VPS13B: variants seen among roughly 807,000 people sequenced by gnomAD.
VPS13B encodes vacuolar protein sorting 13 homolog B, also known as intermembrane lipid transfer protein VPS13B.
VPS13B carries 285 observed loss-of-function variants against 426.4 expected under a neutral mutation model. The ratio of observed to expected loss-of-function variants is 0.67; its 90% CI spans 0.61 to 0.74. The LOEUF is 0.74. Ranked by LOEUF, VPS13B falls within the 30% of genes least tolerant of loss-of-function variation. The pLI is 0.00. For missense variants in VPS13B, 4,537 were observed against 4,782.6 expected (o/e 0.95, Z 1.51); for synonymous variants, 1,676 against 1,676.4 (o/e 1.00, Z 0.01).
rs796946310 is a variant in VPS13B, at chr8:99,858,684, CA to C, written c.10868-608del. Among the ~76,000 whole-genome samples, 729 of 141,464 alleles carry C rather than the reference CA, an allele frequency of 5.2e-3. 7 individuals are homozygous for C. The highest frequency in any genetic ancestry group is 0.016 in the African/African-American group (612 of 38,796). The allele number at this position is 141,464 out of a possible 152,430, so 92.8% of individuals were successfully genotyped here. A position where few individuals can be genotyped will look rare whatever the true frequency, so the allele number is the denominator to read the frequency against. ...TGGGTGACAGAGTGAGACTCGATCT[CA>C]AAAAAAAAAAATGTCCCTGTCTCTG... On this transcript the variant is annotated intron_variant, in intron 56 of 61. Coordinates refer to ENST00000357162, the MANE Select transcript of VPS13B (RefSeq NM_152564.5).
intron 33 of VPS13B, among the ~76,000 whole-genome samples, chr8:99,641,393 A>C (rs931345205): frequency 2.0e-5 from 3 of 152,196 alleles, no homozygotes; most frequent in African/African-American, 7.2e-5. Flanking sequence ...AGCATAAACT[A>C]CTTCTACGTA....
At chr8:99,082,695 T>C (rs1441561170) in intron 3 of VPS13B, among the ~76,000 whole-genome samples, 18 of 152,162 alleles carry the variant, frequency 1.2e-4, no homozygotes, top group African/African-American at 3.1e-4. Context: ...GCCAGTTTTC[T>C]CAGCACCATT....
At chr8:99,297,296 T>C (rs1820093071) in intron 19 of VPS13B, among the ~76,000 whole-genome samples, 1 of 152,172 alleles carries the variant, frequency 6.6e-6, no homozygotes. Flanking sequence ...GAGCTCTGCA[T>C]TGGTTTTTCA....
chr8:99,563,292 G>A (rs1825025905), intron 31 of VPS13B, among the ~76,000 whole-genome samples: 1 of 152,196 alleles, frequency 6.6e-6, no homozygotes, highest in Admixed American at 6.5e-5. Context: ...CCTGTAAGAA[G>A]TTCAGCATCC....
intron 17 of VPS13B, among the ~76,000 whole-genome samples, chr8:99,202,080 G>C (rs1814365335): frequency 6.6e-6 from 1 of 152,206 alleles, no homozygotes; most frequent in African/African-American, 2.4e-5. Context: ...ACCTATGGAA[G>C]TTGTTCTAGG....
intron 8 of VPS13B, among the ~76,000 whole-genome samples, chr8:99,122,136 G>C (rs932032873): frequency 6.6e-6 from 1 of 151,502 alleles, no homozygotes; most frequent in South Asian, 2.1e-4. Flanking sequence ...TAGGATTACA[G>C]GTGTTAGCTA....
At position 99,121,185 on chromosome 8, in the gene VPS13B, G is replaced by T. The variant is rs781089780; in HGVS notation, c.946G>T (p.Asp316Tyr). The change falls in exon 8 of 62, where the codon GAT becomes TAT. Residue 316 changes from aspartate (D) to tyrosine (Y), a missense_variant. By Grantham distance (160) the Asp-to-Tyr change is radical. Coordinates refer to ENST00000357162, the MANE Select transcript of VPS13B (RefSeq NM_152564.5). ...TTAATTTTAATTGATAGGTTCTGAA[G>T]ATGAAACAAGAATAGATATGCAATA... ...DMLGNITGSE[D>Y]ETRIDMQYPA... 1 of 1,613,308 alleles carries T rather than the reference G, an allele frequency of 6.2e-7. No individual in the cohort carries two copies. The highest frequency in any genetic ancestry group is 2.2e-5 in the East Asian group (1 of 44,862).
At chr8:99,400,978 G>T (rs1186790817) in intron 21 of VPS13B, among the ~76,000 whole-genome samples, 1 of 152,070 alleles carries the variant, frequency 6.6e-6, no homozygotes, top group Non-Finnish European at 1.5e-5. Context: ...AGCCTGTATG[G>T]TATTACTTTT....
At chr8:99,029,589 C>A (rs1587935875) in intron 2 of VPS13B, among the ~76,000 whole-genome samples, 1 of 151,876 alleles carries the variant, frequency 6.6e-6, no homozygotes, top group East Asian at 1.9e-4. Context: ...CCGGCCAACA[C>A]AGCAAAACCC....
intron 19 of VPS13B, among the ~76,000 whole-genome samples, chr8:99,321,282 C>T (rs548553606): frequency 1.1e-4 from 16 of 144,846 alleles, no homozygotes; most frequent in Admixed American, 2.8e-4. Flanking sequence ...GTGATTTCAG[C>T]TCCTGCAGCC....
intron 23 of VPS13B, among the ~76,000 whole-genome samples, chr8:99,449,251 G>T (rs1235251822): frequency 6.6e-6 from 1 of 152,106 alleles, no homozygotes; most frequent in Admixed American, 6.6e-5. Context: ...ATAACTCCGT[G>T]GTTCTTAGCT....
chr8:99,066,690 G>T (rs1316750794), intron 3 of VPS13B, among the ~76,000 whole-genome samples: 3 of 152,156 alleles, frequency 2.0e-5, no homozygotes, highest in Admixed American at 1.3e-4. Flanking sequence ...CACAGCAAAA[G>T]AAACTACCAT....
rs71273165 is a variant in VPS13B, at chr8:99,128,386, CAAAAAAAAAAAAAAAAAAA to C, written c.1207-6223_1207-6205del. On this transcript the variant is annotated intron_variant, in intron 8 of 61. Transcript: ENST00000357162. ...TGGGTGACAGAGCAAGATACTGTCC[CAAAAAAAAAAAAAAAAAAA>C]AAAAAAAAAAAAAAAAAAAAAATTT... Among the ~76,000 whole-genome samples, 14 of 34,218 alleles carry C rather than the reference CAAAAAAAAAAAAAAAAAAA, an allele frequency of 4.1e-4. No individual in the cohort carries two copies. The South Asian group carries it at 8.2e-3, about 20-fold the overall frequency. 22.4% of individuals were successfully genotyped at this position (34,218 alleles called of 152,430 possible).
Position 99,577,460 on chromosome 8 carries a change from T to C in VPS13B, c.5077-30T>C, listed in dbSNP as rs200913254. On this transcript the variant is annotated intron_variant, in intron 32 of 61. Coordinates refer to ENST00000357162, the MANE Select transcript of VPS13B (RefSeq NM_152564.5). ...TATCATCTGAAAGCTATCATGTTTC[T>C]TTATCTGTATTCTACCGTTTTTGCT... 2.5e-5 allele frequency: 41 copies of C among 1,613,194 alleles called. No individual in the cohort carries two copies. In the African/African-American group the frequency reaches 4.7e-4, roughly 18 times the overall value.
chr8:99,809,322 T>A (rs1348914933), intron 43 of VPS13B, 53 bp from the exon 44 acceptor site: 2 of 1,610,806 alleles, frequency 1.2e-6, no homozygotes, highest in East Asian at 4.5e-5. Flanking sequence ...ATTTTAGGAC[T>A]AGGTTTTTGT....
intron 25 of VPS13B, among the ~76,000 whole-genome samples, chr8:99,492,608 G>A (rs755787526): frequency 8.5e-5 from 13 of 152,290 alleles, no homozygotes; most frequent in Non-Finnish European, 1.5e-4. Flanking sequence ...CTCCTGCCTC[G>A]CAGGTTGATC....
At chr8:99,151,540 G>T (rs915129062) in intron 14 of VPS13B, among the ~76,000 whole-genome samples, 1 of 146,988 alleles carries the variant, frequency 6.8e-6, no homozygotes, top group Non-Finnish European at 1.5e-5. Flanking sequence ...GTACTTCTTT[G>T]TTTTTTTTTT....
At chr8:99,859,543 A>C (rs1816724611) in intron 57 of VPS13B, 63 bp downstream of exon 57, 6 of 1,571,712 alleles carry the variant, frequency 3.8e-6, no homozygotes, top group South Asian at 3.4e-5. Flanking sequence ...TTTTTTAAAG[A>C]ATGTGCTAAA....
chr8:99,445,431 C>T (rs1817866718), intron 23 of VPS13B, among the ~76,000 whole-genome samples: 1 of 149,648 alleles, frequency 6.7e-6, no homozygotes, highest in Non-Finnish European at 1.5e-5. Flanking sequence ...CACCACTGCA[C>T]TCCAGCCTAG....
Sources: gnomAD v4.1 joint callset for allele counts (sites outside exome capture counted in the v4.1 genomes callset) on GRCh38, gnomAD v4.1.1 for gene constraint, MANE v1.5 for transcripts, NCBI Gene and HGNC (gene_info 2026-07-23, HGNC 2026-07-21) for gene names.